Variants in CHN2 observed in about 807,000 individuals in gnomAD.
The protein encoded by CHN2 is chimerin 2, also known as beta-chimaerin.
A neutral mutation model predicts 56.3 loss-of-function variants in CHN2; 35 were observed. The observed-to-expected ratio is 0.62, with a 90% confidence interval of 0.47 to 0.82. The LOEUF is 0.82. CHN2 is among the 40% of genes least tolerant of loss of function. The pLI is 0.00. For missense variants in CHN2, 491 were observed against 580.5 expected, an observed-to-expected ratio of 0.85 and a Z score of 1.58; for synonymous variants, 210 against 212.8, an observed-to-expected ratio of 0.99 and a Z score of 0.12.
At chr7:29,286,919 G>A (rs1041658338) in intron 1 of CHN2, among the ~76,000 whole-genome samples, 1 of 152,166 alleles carries the variant, frequency 6.6e-6, no homozygotes, top group African/African-American at 2.4e-5. Context: ...AAGAGCTTCT[G>A]TTTGATCATT....
At chr7:29,352,900 T>C (rs987158834) in intron 1 of CHN2, among the ~76,000 whole-genome samples, 2 of 152,238 alleles carry the variant, frequency 1.3e-5, no homozygotes, top group African/African-American at 4.8e-5. Context: ...CCCATTGAAA[T>C]TGATTTGTGT....
intron 1 of CHN2, among the ~76,000 whole-genome samples, chr7:29,232,918 T>A (rs1283680910): frequency 6.6e-6 from 1 of 152,228 alleles, no homozygotes; most frequent in Non-Finnish European, 1.5e-5. Context: ...CATGTGTACA[T>A]ATTATGGTCC....
At chr7:29,305,222 T>G (rs573569278) in intron 1 of CHN2, among the ~76,000 whole-genome samples, 1 of 152,260 alleles carries the variant, frequency 6.6e-6, no homozygotes, top group East Asian at 1.9e-4. Flanking sequence ...ACCCCATGAA[T>G]CATTCCAGAG....
intron 1 of CHN2, among the ~76,000 whole-genome samples, chr7:29,286,119 C>T (rs1397716272): frequency 1.3e-5 from 2 of 152,186 alleles, no homozygotes; most frequent in Non-Finnish European, 2.9e-5. Context: ...AGCCTCTTTT[C>T]GAGGATGTGC....
chr7:29,475,255 G>A, intron 6 of CHN2, among the ~76,000 whole-genome samples: 1 of 152,184 alleles, frequency 6.6e-6, no homozygotes, highest in Middle Eastern at 3.2e-3. Context: ...AAAAAAAGAA[G>A]TGGTGAGCTT....
At chr7:29,414,456 G>A (rs574403156) in intron 6 of CHN2, among the ~76,000 whole-genome samples, 15 of 152,176 alleles carry the variant, frequency 9.9e-5, no homozygotes, top group East Asian at 7.7e-4. Context: ...ACCTTCTTCC[G>A]TCCTCACAAC....
chr7:29,390,354 G>A (rs764774692), intron 3 of CHN2, among the ~76,000 whole-genome samples: 6 of 152,166 alleles, frequency 3.9e-5, no homozygotes, highest in African/African-American at 7.2e-5. Flanking sequence ...AGACATGGCC[G>A]ATCCGACAGC....
intron 7 of CHN2, among the ~76,000 whole-genome samples, chr7:29,483,048 C>G (rs1309670245): frequency 6.6e-6 from 1 of 151,902 alleles, no homozygotes; most frequent in Non-Finnish European, 1.5e-5. Context: ...GTCTCGATCT[C>G]CTGACCTCGT....
At chr7:29,337,978 AG>A (rs762792717) in intron 1 of CHN2, among the ~76,000 whole-genome samples, 3 of 152,216 alleles carry the variant, frequency 2.0e-5, no homozygotes, top group Non-Finnish European at 4.4e-5. Flanking sequence ...CAGTCTCAGG[AG>A]GCTTCAAGAA....
At chr7:29,211,967 A>G (rs1467105073) in intron 1 of CHN2, among the ~76,000 whole-genome samples, 1 of 152,194 alleles carries the variant, frequency 6.6e-6, no homozygotes, top group Non-Finnish European at 1.5e-5. Flanking sequence ...TCCAACTTCA[A>G]CAATGATCGC....
intron 6 of CHN2, among the ~76,000 whole-genome samples, chr7:29,473,678 T>C (rs1786349575): frequency 6.6e-6 from 1 of 151,694 alleles, no homozygotes. Flanking sequence ...TGGGGCTCCA[T>C]ATGTTTTAAG....
At chr7:29,199,484 T>G (rs558991344) in intron 1 of CHN2, 2 of 152,350 alleles carry the variant, frequency 1.3e-5, no homozygotes, top group African/African-American at 4.8e-5. Flanking sequence ...TCACCTAGAC[T>G]GGCAGAAAGA....
chr7:29,314,469 T>G (rs1319823655), intron 1 of CHN2, among the ~76,000 whole-genome samples: 1 of 152,218 alleles, frequency 6.6e-6, no homozygotes, highest in African/African-American at 2.4e-5. Context: ...CTCACAACCA[T>G]GTCAATGTAC....
At chr7:29,273,345 A>ATGTG (rs70980518) in intron 1 of CHN2, among the ~76,000 whole-genome samples, 2 of 28,748 alleles carry the variant, frequency 7.0e-5, no homozygotes, top group Non-Finnish European at 1.3e-4. Context: ...ATATATGTGT[A>ATGTG]TATATATATA....
intron 1 of CHN2, among the ~76,000 whole-genome samples, chr7:29,280,809 T>C (rs1041797100): frequency 1.3e-5 from 2 of 152,078 alleles, no homozygotes; most frequent in African/African-American, 4.8e-5. Flanking sequence ...CTAAAGTATC[T>C]GTAGGGGCCA....
At chr7:29,405,844 G>C (rs541003599) in intron 6 of CHN2, among the ~76,000 whole-genome samples, 6 of 152,210 alleles carry the variant, frequency 3.9e-5, no homozygotes, top group African/African-American at 1.4e-4. Context: ...TTCATTGGTT[G>C]TTTCACTGTT....
intron 1 of CHN2, among the ~76,000 whole-genome samples, chr7:29,220,193 C>T (rs932601942): frequency 1.2e-4 from 18 of 150,558 alleles, no homozygotes; most frequent in East Asian, 3.9e-4. Context: ...TTGCTTGAAC[C>T]GGGGAGGCAG....
chr7:29,479,696 G>T, intron 6 of CHN2: 1 of 1,051,570 alleles, frequency 9.5e-7, no homozygotes, highest in Non-Finnish European at 1.2e-6. Flanking sequence ...GAGCTGGCTG[G>T]GGGGTGTGTG....
At position 29,453,991 on chromosome 7, in the gene CHN2, A is replaced by G. The variant is rs1202758039; in HGVS notation, c.577-26288A>G. ...GGCCCGAAATCTCCACCTCATATAAATGGCCCAGTGGGTGCCAACTCTAGT... is the reference window on the plus strand; with the variant it reads ...GGCCCGAAATCTCCACCTCATATAAGTGGCCCAGTGGGTGCCAACTCTAGT... On this transcript the variant is annotated intron_variant, in intron 6 of 12. Transcript: ENST00000222792. Among the ~76,000 whole-genome samples, 6 of 152,160 alleles carry G rather than the reference A, an allele frequency of 3.9e-5. No homozygotes were observed. In the East Asian group the frequency reaches 1.2e-3, roughly 29 times the overall value.
Sources: gnomAD v4.1 joint callset for allele counts (sites outside exome capture counted in the v4.1 genomes callset) on GRCh38, gnomAD v4.1.1 for gene constraint, MANE v1.5 for transcripts, NCBI Gene and HGNC (gene_info 2026-07-23, HGNC 2026-07-21) for gene names.